Variants in AMACR observed in about 807,000 individuals in gnomAD.
The protein encoded by AMACR is alpha-methylacyl-CoA racemase.
A neutral mutation model predicts 22.2 loss-of-function variants in AMACR; 18 were observed. The ratio of observed to expected loss-of-function variants is 0.81; its 90% CI spans 0.56 to 1.20. The LOEUF is 1.20. AMACR is among the 50% of genes most tolerant of loss of function. The pLI is 0.00. For missense variants in AMACR, 499 were observed against 490.6 expected, an observed-to-expected ratio of 1.02 and a Z score of -0.16; for synonymous variants, 213 against 191.3, an observed-to-expected ratio of 1.11 and a Z score of -0.94.
At chr5:34,006,739 A>G (rs1753990944) in intron 1 of AMACR, among the ~76,000 whole-genome samples, 1 of 152,246 alleles carries the variant, frequency 6.6e-6, no homozygotes, top group African/African-American at 2.4e-5. Context: ...AGCCTCAAAT[A>G]CAGCTGTGAG....
At chr5:33,999,352 G>A (rs1753741404) in intron 3 of AMACR, among the ~76,000 whole-genome samples, 1 of 152,122 alleles carries the variant, frequency 6.6e-6, no homozygotes, top group Admixed American at 6.6e-5. Flanking sequence ...CTGTATTTGA[G>A]TATTTAATGT....
At chr5:33,991,170 G>C (rs1313296923) in intron 4 of AMACR, among the ~76,000 whole-genome samples, 1 of 152,156 alleles carries the variant, frequency 6.6e-6, no homozygotes, top group African/African-American at 2.4e-5. Flanking sequence ...GATTACACAG[G>C]TCATAGTTTG....
chr5:33,990,581 G>A (rs1351650971), intron 4 of AMACR, among the ~76,000 whole-genome samples: 7 of 152,164 alleles, frequency 4.6e-5, no homozygotes, highest in East Asian at 1.9e-4. Context: ...CCATATAAGC[G>A]GGCTTTTAAA....
chr5:34,008,008 C>T lies in AMACR; in HGVS notation c.12G>A (p.Gln4=). 2 of 1,610,892 alleles carry T rather than the reference C, an allele frequency of 1.2e-6. No individual in the cohort carries two copies. Among genetic ancestry groups the T allele is most frequent in the South Asian group, 1.1e-5 (1 of 91,078 alleles). Reference sequence around the variant, plus strand: ...CGGACAGCTCCACGACCGAGATGCCCTGCAGTGCCATGGCGCTTCCCAGTG... The same window carrying T: ...CGGACAGCTCCACGACCGAGATGCCTTGCAGTGCCATGGCGCTTCCCAGTG... MAL[Q]GISVVELSGL... Residue 4 remains glutamine, a synonymous_variant, in exon 1 of 5, where the codon CAG becomes CAA. Transcript: ENST00000335606.
chr5:34,002,859 A>G (rs888859071), intron 3 of AMACR, among the ~76,000 whole-genome samples: 2 of 152,220 alleles, frequency 1.3e-5, no homozygotes, highest in Non-Finnish European at 2.9e-5. Context: ...GGCACACTGG[A>G]AAGTGTGAGA....
intron 4 of AMACR, among the ~76,000 whole-genome samples, chr5:33,996,533 C>T (rs1753640042): frequency 6.6e-6 from 1 of 152,168 alleles, no homozygotes; most frequent in African/African-American, 2.4e-5. Flanking sequence ...TGCCTGAAAT[C>T]CCAGTACTTT....
Position 33,988,201 on chromosome 5 carries a change from T to C in AMACR, c.*892A>G, listed in dbSNP as rs1198546666. 3 of 1,050,988 alleles carry C rather than the reference T, an allele frequency of 2.9e-6. No individual in the cohort carries two copies. The highest frequency in any genetic ancestry group is 4.1e-6 in the Non-Finnish European group (3 of 734,748). 65.1% of individuals were successfully genotyped at this position (1,050,988 alleles called of 1,614,324 possible). A position where few individuals can be genotyped will look rare whatever the true frequency, so the allele number is the denominator to read the frequency against. On this transcript the variant is annotated 3_prime_UTR_variant, in exon 5 of 5. Transcript: ENST00000335606. Reference sequence around the variant, plus strand: ...AAGCTCCAGGAGCAGGCTGGTTTTATGTAAAGACAATCCCGTCTTCTTTGT... The same window carrying C: ...AAGCTCCAGGAGCAGGCTGGTTTTACGTAAAGACAATCCCGTCTTCTTTGT...
At chr5:33,991,589 T>C (rs1337466617) in intron 4 of AMACR, among the ~76,000 whole-genome samples, 1 of 151,918 alleles carries the variant, frequency 6.6e-6, no homozygotes, top group East Asian at 1.9e-4. Flanking sequence ...CACACACACG[T>C]TACACAAAAT....
rs1753346756 is a variant in AMACR at position 33,988,002 on chromosome 5, C to A, written c.*1091G>T. ...TTTTCTCAACTGTAAGATGAAGAAACCTGCTCCACCTTCCTCTTGCGATTG... is the reference window on the plus strand; with the variant it reads ...TTTTCTCAACTGTAAGATGAAGAAAACTGCTCCACCTTCCTCTTGCGATTG... On this transcript the variant is annotated 3_prime_UTR_variant, in exon 5 of 5. Coordinates refer to ENST00000335606, the MANE Select transcript of AMACR (RefSeq NM_014324.6). 4.7e-6 allele frequency: 1 copy of A among 214,338 alleles called. No homozygotes were observed. Among genetic ancestry groups the A allele is most frequent in the Non-Finnish European group, 9.1e-6 (1 of 109,418 alleles). 13.3% of individuals were successfully genotyped at this position (214,338 alleles called of 1,614,324 possible).
At chr5:33,989,554 T>C (rs947764451) in intron 4 of AMACR, 52 bp from the exon 5 acceptor site, 1 of 1,466,626 alleles carries the variant, frequency 6.8e-7, no homozygotes, top group Non-Finnish European at 9.5e-7. Context: ...AGAGCAATTA[T>C]AATCAATAAA....
At chr5:33,989,696 A>C (rs1753417362) in intron 4 of AMACR, among the ~76,000 whole-genome samples, 194 bp from the exon 5 acceptor site, 1 of 152,210 alleles carries the variant, frequency 6.6e-6, no homozygotes, top group East Asian at 1.9e-4. Context: ...AGGTAGTCAG[A>C]CTTGTCACTA....
At chr5:33,989,584 G>GAA in intron 4 of AMACR, 82 bp from the exon 5 acceptor site, 1 of 1,143,820 alleles carries the variant, frequency 8.7e-7, no homozygotes, top group Non-Finnish European at 1.3e-6. Context: ...TGAGCCCACT[G>GAA]TACTATGCAA....
chr5:34,007,799 T>A lies in AMACR; in HGVS notation c.221A>T (p.Asp74Val). 1.9e-6 allele frequency: 3 copies of A among 1,570,730 alleles called. No individual in the cohort carries two copies. Among genetic ancestry groups the A allele is most frequent in the Middle Eastern group, 1.7e-4 (1 of 5,926 alleles). Residue 74 changes from aspartate (D) to valine (V), a missense_variant, in exon 1 of 5, where the codon GAT becomes GTT. Transcript: ENST00000335606. ...AVLRRLCKRSDVLLEPFRRGV... is the reference protein window; with the variant it reads ...AVLRRLCKRSVVLLEPFRRGV... ...GCGGCGGAAGGGCTCCAGCAGCACA[T>A]CCGACCGCTTGCACAGACGCCGCAG...
At chr5:34,007,131 GGAA>G (rs1754004359) in intron 1 of AMACR, among the ~76,000 whole-genome samples, 1 of 152,248 alleles carries the variant, frequency 6.6e-6, no homozygotes, top group South Asian at 2.1e-4. Flanking sequence ...TGTTTTAGAA[GGAA>G]GAAGGAAAGG....
chr5:34,002,823 C>G (rs1378610508), intron 3 of AMACR, among the ~76,000 whole-genome samples: 2 of 152,186 alleles, frequency 1.3e-5, no homozygotes, highest in Non-Finnish European at 2.9e-5. Flanking sequence ...CCACACTCCC[C>G]TGCTGCTGGT....
intron 3 of AMACR, among the ~76,000 whole-genome samples, chr5:33,999,941 C>T (rs1277914284): frequency 1.3e-5 from 2 of 152,150 alleles, no homozygotes; most frequent in Admixed American, 6.5e-5. Context: ...CACATATATA[C>T]ACATATGCAT....
chr5:34,003,078 C>G (rs34683), intron 3 of AMACR, among the ~76,000 whole-genome samples: 21,100 of 152,250 alleles, frequency 0.14, 1,466 homozygotes, highest in East Asian at 0.16. Context: ...ATTTGACCCT[C>G]TGACCACTCC....
chr5:34,007,709 G>A (rs529846795), intron 1 of AMACR, 64 bp downstream of exon 1: 15 of 1,466,402 alleles, frequency 1.0e-5, no homozygotes, highest in Non-Finnish European at 1.3e-5. Flanking sequence ...AGCCTCGATC[G>A]AACGGCCAGG....
At position 34,007,913 on chromosome 5, in the gene AMACR, C is replaced by G; in HGVS notation, c.107G>C (p.Arg36Pro). 6.2e-7 allele frequency: 1 copy of G among 1,607,092 alleles called. No homozygotes were observed. The highest frequency in any genetic ancestry group is 8.5e-7 in the Non-Finnish European group (1 of 1,178,438). Residue 36 changes from arginine to proline, a missense_variant, in exon 1 of 5, where the codon CGG becomes CCG. Physicochemically the swap from Arg to Pro is moderately radical, Grantham distance 103. Coordinates refer to ENST00000335606, the MANE Select transcript of AMACR (RefSeq NM_014324.6). ...DFGARVVRVD[R>P]PGSRYDVSRL... ...GCTCACGTCGTAGCGGGAGCCGGGC[C>G]GGTCCACGCGTACCACACGCGCCCC...
Sources: gnomAD v4.1 joint callset for allele counts (sites outside exome capture counted in the v4.1 genomes callset) on GRCh38, gnomAD v4.1.1 for gene constraint, MANE v1.5 for transcripts, NCBI Gene and HGNC (gene_info 2026-07-23, HGNC 2026-07-21) for gene names.